PHLPP1: variants seen among roughly 807,000 people sequenced by gnomAD.
PHLPP1 encodes PH domain and leucine rich repeat protein phosphatase 1, also known as PH domain leucine-rich repeat-containing protein phosphatase 1.
In PHLPP1, 42 loss-of-function variants were observed where a neutral mutation model predicts 117.2. That is an observed-to-expected ratio of 0.36 (90% confidence interval 0.28 to 0.46). The LOEUF (loss-of-function observed/expected upper bound fraction) is 0.46, where lower values mean the gene tolerates loss of function less well. PHLPP1 is among the 20% of genes least tolerant of loss of function. The probability of loss-of-function intolerance (pLI) is 1.00; values close to 1 mark genes in which losing one functional copy is unlikely to be tolerated. For missense variants in PHLPP1, 2,084 were observed against 2,241.9 expected, an observed-to-expected ratio of 0.93 and a Z score of 1.42; for synonymous variants, 1,042 against 970.7, an observed-to-expected ratio of 1.07 and a Z score of -1.37.
At chr18:62,863,335 G>C (rs573588448) in intron 4 of PHLPP1, among the ~76,000 whole-genome samples, 1 of 152,056 alleles carries the variant, frequency 6.6e-6, no homozygotes, top group African/African-American at 2.4e-5. Flanking sequence ...CAAATAGCTG[G>C]GATTACAGGC....
At chr18:62,825,910 G>A (rs1216136191) in intron 1 of PHLPP1, among the ~76,000 whole-genome samples, 1 of 152,110 alleles carries the variant, frequency 6.6e-6, no homozygotes. Context: ...TGTGAAAGAA[G>A]AGATGAAAAA....
intron 1 of PHLPP1, chr18:62,826,156 TTG>T: frequency 3.1e-6 from 1 of 325,032 alleles, no homozygotes; most frequent in Non-Finnish European, 6.2e-6. Flanking sequence ...ATTTATTTAT[TTG>T]TTTTTTTTTT....
intron 1 of PHLPP1, among the ~76,000 whole-genome samples, chr18:62,784,271 C>T (rs1392869175): frequency 6.6e-6 from 1 of 152,188 alleles, no homozygotes; most frequent in African/African-American, 2.4e-5. Flanking sequence ...CTACAATACA[C>T]AGGATAGCCT....
Position 62,715,675 on chromosome 18 carries a change from C to T in PHLPP1, c.-9C>T. On this transcript the variant is annotated 5_prime_UTR_variant, in exon 1 of 17. Coordinates refer to ENST00000262719, the MANE Select transcript of PHLPP1 (RefSeq NM_194449.4). ...CGGAGCTGGGGGGGAAACGCGAAGC[C>T]CCACTGCAATGGAGCCCGCCGCCGC... is the stretch of plus-strand genomic sequence containing the variant. 1 of 1,283,928 alleles carries T rather than the reference C, an allele frequency of 7.8e-7. No individual in the cohort carries two copies. 79.5% of individuals were successfully genotyped at this position (1,283,928 alleles called of 1,614,324 possible).
In PHLPP1 at chr18:62,849,797, C is replaced by CAAA. The variant is rs1159265423; in HGVS notation, c.1900-10604_1900-10602dup. ...GCAACATAGCAAGGCCCTGTCTCTA[C>CAAA]AAAAAAAAAAAAAAAAAAAAAAAAA... On this transcript the variant is annotated intron_variant, in intron 3 of 16. Transcript: ENST00000262719. 9.5e-3 allele frequency among the ~76,000 whole-genome samples: 70 copies of CAAA among 7,400 alleles called. 23 individuals are homozygous for CAAA. Among genetic ancestry groups the CAAA allele is most frequent in the Non-Finnish European group, 0.013 (56 of 4,186 alleles). The allele number at this position is 7,400 out of a possible 152,430, so 4.9% of individuals were successfully genotyped here. A position where few individuals can be genotyped will look rare whatever the true frequency, so the allele number is the denominator to read the frequency against.
In PHLPP1 at chr18:62,876,452, C is replaced by A. The variant is rs912396912; in HGVS notation, c.2066+15851C>A. 4.6e-5 allele frequency among the ~76,000 whole-genome samples: 7 copies of A among 152,198 alleles called. No individual in the cohort carries two copies. In the East Asian group the frequency reaches 1.2e-3, roughly 25 times the overall value. On this transcript the variant is annotated intron_variant, in intron 4 of 16. Coordinates refer to ENST00000262719, the MANE Select transcript of PHLPP1 (RefSeq NM_194449.4). ...TGACCTTTTGCTCTTCTGAATTGTT[C>A]ACTTTTTAAATATTTTTTGTACTTA...
At chr18:62,950,912 C>T (rs986747180) in intron 12 of PHLPP1, among the ~76,000 whole-genome samples, 9 of 152,094 alleles carry the variant, frequency 5.9e-5, no homozygotes, top group Non-Finnish European at 1.3e-4. Context: ...CAGGAACAGA[C>T]TAGCAGGAAG....
At chr18:62,794,633 C>G (rs751958156) in intron 1 of PHLPP1, among the ~76,000 whole-genome samples, 1 of 152,104 alleles carries the variant, frequency 6.6e-6, no homozygotes, top group Non-Finnish European at 1.5e-5. Context: ...CCTTGGCTTC[C>G]CAAAGTGATG....
At chr18:62,933,659 T>C (rs942698030) in intron 10 of PHLPP1, among the ~76,000 whole-genome samples, 1 of 152,062 alleles carries the variant, frequency 6.6e-6, no homozygotes, top group African/African-American at 2.4e-5. Context: ...ATACAAATCA[T>C]AGAAGAAAAA....
At chr18:62,844,664 C>T (rs1033199442) in intron 3 of PHLPP1, among the ~76,000 whole-genome samples, 1 of 152,148 alleles carries the variant, frequency 6.6e-6, no homozygotes, top group Non-Finnish European at 1.5e-5. Flanking sequence ...ACTCTTCTTA[C>T]AATTACTCTT....
chr18:62,771,504 G>GT (rs1409745126), intron 1 of PHLPP1, among the ~76,000 whole-genome samples: 2 of 152,270 alleles, frequency 1.3e-5, no homozygotes, highest in Admixed American at 6.5e-5. Context: ...ACAATGGCAG[G>GT]TTTTTAGTCT....
chr18:62,972,620 T>A lies in PHLPP1; in HGVS notation c.3667T>A (p.Cys1223Ser). Residue 1223 changes from cysteine (C) to serine (S), a missense_variant, in exon 15 of 17, where the codon TGC (cysteine) becomes AGC (serine). Physicochemically the swap from Cys to Ser is moderately radical, Grantham distance 112. Transcript: ENST00000262719. ...RNVEVPYLLQ[C>S]TMSDILAEEL... ...TGTGGAGGTGCCCTACCTTCTCCAG[T>A]GCACTATGAGTGACATTTTGGCTGA... 1 of 1,613,758 alleles carries A rather than the reference T, an allele frequency of 6.2e-7. No homozygotes were observed. Among genetic ancestry groups the A allele is most frequent in the Non-Finnish European group, 8.5e-7 (1 of 1,179,682 alleles).
At chr18:62,816,343 A>C (rs1158389313) in intron 1 of PHLPP1, among the ~76,000 whole-genome samples, 2 of 152,090 alleles carry the variant, frequency 1.3e-5, no homozygotes, top group African/African-American at 4.8e-5. Flanking sequence ...AGGTGGGCGG[A>C]TCATGAGGTC....
rs1305703220 is a variant in PHLPP1, at chr18:62,919,959, C to T, written c.2805C>T (p.Arg935=). 6.3e-7 allele frequency: 1 copy of T among 1,584,354 alleles called. No homozygotes were observed. Among genetic ancestry groups the T allele is most frequent in the East Asian group, 2.3e-5 (1 of 43,972 alleles). ...GHNQICELPA[R]LFCNSSLRKL... is the part of the protein sequence containing the mutation. ...TGGTCTTTTGTCCCTTTTTATACAG[C>T]TTATTTTGTAATAGCAGTCTCCGGA... Residue 935 remains arginine (R), a splice_region_variant and synonymous_variant, in exon 10 of 17, where the codon CGC becomes CGT. Coordinates refer to ENST00000262719, the MANE Select transcript of PHLPP1 (RefSeq NM_194449.4).
intron 1 of PHLPP1, among the ~76,000 whole-genome samples, chr18:62,829,494 G>A (rs1263437929): frequency 6.6e-6 from 1 of 152,254 alleles, no homozygotes; most frequent in Non-Finnish European, 1.5e-5. Context: ...GCTCACGCCT[G>A]TAATCCCAGC....
At chr18:62,866,627 C>A (rs991954149) in intron 4 of PHLPP1, among the ~76,000 whole-genome samples, 1 of 152,092 alleles carries the variant, frequency 6.6e-6, no homozygotes, top group Admixed American at 6.6e-5. Flanking sequence ...TTGAGTATTT[C>A]ATAATAATCC....
intron 12 of PHLPP1, among the ~76,000 whole-genome samples, chr18:62,948,341 T>C (rs1012637099): frequency 6.6e-6 from 1 of 152,038 alleles, no homozygotes. Context: ...AAAAGAAATG[T>C]AAATGTTTTT....
At chr18:62,939,556 G>A (rs1441667058) in intron 10 of PHLPP1, among the ~76,000 whole-genome samples, 2 of 151,286 alleles carry the variant, frequency 1.3e-5, no homozygotes, top group Non-Finnish European at 2.9e-5. Context: ...CTGCAGGAGT[G>A]ACCTTTATTT....
intron 9 of PHLPP1, among the ~76,000 whole-genome samples, chr18:62,919,163 C>T (rs1413064561): frequency 6.6e-6 from 1 of 152,088 alleles, no homozygotes. Context: ...CACTTTTCCC[C>T]ACCCCCCAGA....
Sources: gnomAD v4.1 joint callset for allele counts (sites outside exome capture counted in the v4.1 genomes callset) on GRCh38, gnomAD v4.1.1 for gene constraint, MANE v1.5 for transcripts, NCBI Gene and HGNC (gene_info 2026-07-23, HGNC 2026-07-21) for gene names.